Variants in CEACAM19 observed in about 807,000 individuals in gnomAD.
CEACAM19 encodes CEA cell adhesion molecule 19.
A neutral mutation model predicts 37.6 loss-of-function variants in CEACAM19; 37 were observed. The observed-to-expected ratio is 0.98, with a 90% CI of 0.76 to 1.29. The LOEUF is 1.29. CEACAM19 is among the 50% of genes most tolerant of loss of function. The pLI is 0.00. For missense variants in CEACAM19, 340 were observed against 375.6 expected (o/e 0.91, Z 0.78); for synonymous variants, 140 against 149.8 (o/e 0.93, Z 0.48).
At chr19:44,675,502 T>C (rs928276823) in intron 2 of CEACAM19, among the ~76,000 whole-genome samples, 2 of 151,982 alleles carry the variant, frequency 1.3e-5, no homozygotes, top group African/African-American at 4.8e-5. Context: ...CAAAGCAGAT[T>C]GGGTCTGGGC....
In CEACAM19 at chr19:44,672,633, G is replaced by T. The variant is rs1351412506; in HGVS notation, c.93G>T (p.Gln31His). The change falls in exon 2 of 8, where the codon CAG becomes CAT. Residue 31 changes from glutamine (Q) to histidine (H), a missense_variant. Gln to His is a conservative substitution (Grantham distance 24, BLOSUM62 0). Coordinates refer to ENST00000358777, the MANE Select transcript of CEACAM19 (RefSeq NM_001127893.3). ...TCCTCTGGATGCTCCAAGGCTCCCA[G>T]GCAGCTCTCTACATCCAGAAGATTC... Reference protein sequence around the residue: ...ILVLWMLQGSQAALYIQKIPE... With the variant: ...ILVLWMLQGSHAALYIQKIPE... 1 of 1,493,580 alleles carries T rather than the reference G, an allele frequency of 6.7e-7. No individual in the cohort carries two copies. The highest frequency in any genetic ancestry group is 8.9e-7 in the Non-Finnish European group (1 of 1,120,444). The allele number at this position is 1,493,580 out of a possible 1,614,324, so 92.5% of individuals were successfully genotyped here.
intron 5 of CEACAM19, among the ~76,000 whole-genome samples, chr19:44,680,888 T>C (rs1212241713): frequency 6.6e-6 from 1 of 152,000 alleles, no homozygotes; most frequent in African/African-American, 2.4e-5. Flanking sequence ...CTCTCTACTA[T>C]CTCAGATGCC....
upstream of CEACAM19, among the ~76,000 whole-genome samples, chr19:44,668,747 AATATAATATAATAT>A (rs1973808740): frequency 9.5e-6 from 1 of 105,292 alleles, no homozygotes; most frequent in African/African-American, 4.5e-5. Context: ...TATATAATAT[AATATAATATAATAT>A]ATATAATATA....
intron 4 of CEACAM19, among the ~76,000 whole-genome samples, chr19:44,679,876 G>C (rs1293421548): frequency 1.3e-5 from 2 of 152,206 alleles, no homozygotes; most frequent in Non-Finnish European, 2.9e-5. Flanking sequence ...GTTGCAGTGA[G>C]CTGAGATCAC....
At chr19:44,675,097 CGTGTGTGTGT>C (rs59147604) in intron 2 of CEACAM19, among the ~76,000 whole-genome samples, 117 of 143,900 alleles carry the variant, frequency 8.1e-4, no homozygotes, top group Non-Finnish European at 1.3e-3. Context: ...CAGAGAACAG[CGTGTGTGTGT>C]GTGTGTGTGT....
intron 4 of CEACAM19, among the ~76,000 whole-genome samples, chr19:44,679,530 A>C (rs1974015852): frequency 6.6e-6 from 1 of 152,244 alleles, no homozygotes. Context: ...CTGGCGGATC[A>C]CGAGGTCAGG....
At chr19:44,665,940 G>A (rs1973705904) in intron 1 of CEACAM19, 1 of 152,284 alleles carries the variant, frequency 6.6e-6, no homozygotes, top group South Asian at 2.1e-4. Context: ...ACCAATCCCT[G>A]GCCAAAAGAA....
chr19:44,681,376 G>A, intron 6 of CEACAM19, 64 bp downstream of exon 6: 2 of 1,088,228 alleles, frequency 1.8e-6, no homozygotes, highest in South Asian at 1.3e-5. Flanking sequence ...CTCTGAGCTG[G>A]CTGTGGTCCT....
Position 44,671,860 on chromosome 19 carries a change from A to G in CEACAM19, c.-72A>G, listed in dbSNP as rs1166552493. ...CCCACTGAGCTGGCCTACTTCAGACAGCCAGGGCCCACCCCTCTGGCCCCC... is the reference window on the plus strand; with the variant it reads ...CCCACTGAGCTGGCCTACTTCAGACGGCCAGGGCCCACCCCTCTGGCCCCC... On this transcript the variant is annotated 5_prime_UTR_variant, in exon 1 of 8. Transcript: ENST00000358777. 1.4e-6 allele frequency: 2 copies of G among 1,401,306 alleles called. No homozygotes were observed. Among genetic ancestry groups the G allele is most frequent in the African/African-American group, 1.4e-5 (1 of 70,270 alleles). 86.8% of individuals were successfully genotyped at this position (1,401,306 alleles called of 1,614,324 possible). A position where few individuals can be genotyped will look rare whatever the true frequency, so the allele number is the denominator to read the frequency against.
Position 44,684,247 on chromosome 19 carries a change from AC to A in CEACAM19, c.*760del, listed in dbSNP as rs1359897485. The A allele has an allele frequency of 6.6e-6, 1 of 152,224 alleles. No homozygotes were observed. The highest frequency in any genetic ancestry group is 2.4e-5 in the African/African-American group (1 of 41,448). The allele number at this position is 152,224 out of a possible 1,614,324, so 9.4% of individuals were successfully genotyped here. A position where few individuals can be genotyped will look rare whatever the true frequency, so the allele number is the denominator to read the frequency against. ...TAAATGAGCCTTTGCTGTATGCCAG[AC>A]CCAGTTCTAGGCTCTTGCAGCCCTG... On this transcript the variant is annotated 3_prime_UTR_variant, in exon 8 of 8. Coordinates refer to ENST00000358777, the MANE Select transcript of CEACAM19 (RefSeq NM_001127893.3).
intron 3 of CEACAM19, 151 bp from the exon 4 acceptor site, chr19:44,678,702 A>C (rs1973997350): frequency 9.1e-7 from 1 of 1,104,316 alleles, no homozygotes; most frequent in Non-Finnish European, 1.2e-6. Context: ...TGAGCCACTG[A>C]GCCCAATTAC....
At position 44,683,439 on chromosome 19, in the gene CEACAM19, C is replaced by A; in HGVS notation, c.849C>A (p.Asp283Glu). The A allele has an allele frequency of 6.4e-7, 1 of 1,551,040 alleles. No homozygotes were observed. The highest frequency in any genetic ancestry group is 8.8e-7 in the Non-Finnish European group (1 of 1,142,462). ...QAEPENHQYQDLLNPDPAPYC... is the reference protein window; with the variant it reads ...QAEPENHQYQELLNPDPAPYC... ...TGTTCTCTCTTCCCCCCAAGCAGGA[C>A]CTGCTAAACCCCGACCCTGCCCCCT... Residue 283 changes from aspartate (D) to glutamate (E), a missense_variant and splice_region_variant, in exon 8 of 8, where the codon GAC becomes GAA. Physicochemically the swap from Asp to Glu is conservative, Grantham distance 45. Coordinates refer to ENST00000358777, the MANE Select transcript of CEACAM19 (RefSeq NM_001127893.3).
upstream of CEACAM19, among the ~76,000 whole-genome samples, chr19:44,668,159 C>A (rs1599783313): frequency 3.1e-5 from 2 of 64,606 alleles, no homozygotes; most frequent in African/African-American, 6.9e-5. Context: ...TATTTATATG[C>A]TATATTATAT....
At chr19:44,668,548 A>AGT (rs1254401851), upstream of CEACAM19, among the ~76,000 whole-genome samples, 3 of 70,594 alleles carry the variant, frequency 4.2e-5, no homozygotes, top group African/African-American at 2.6e-4. Context: ...GTATATAATT[A>AGT]TATAATTATA....
chr19:44,675,097 CGTGTGTGTGTGT>C (rs59147604), intron 2 of CEACAM19, among the ~76,000 whole-genome samples: 7 of 143,902 alleles, frequency 4.9e-5, no homozygotes, highest in South Asian at 2.3e-4. Context: ...CAGAGAACAG[CGTGTGTGTGTGT>C]GTGTGTGTGT....
In CEACAM19 at chr19:44,681,321, C is replaced by T. The variant is rs761687653; in HGVS notation, c.792+9C>T. 11 of 1,600,548 alleles carry T rather than the reference C, an allele frequency of 6.9e-6. No homozygotes were observed. The highest frequency in any genetic ancestry group is 1.3e-5 in the African/African-American group (1 of 74,624). On this transcript the variant is annotated intron_variant, in intron 6 of 7. Transcript: ENST00000358777. ...CCATAAACCCAGCCCGGGTGAGTCC[C>T]GTCCCCAGCCTCTCCCCTGAAGCCA...
chr19:44,678,924 C>G lies in CEACAM19; in HGVS notation c.647C>G (p.Thr216Arg), dbSNP rs776630929. The change falls in exon 4 of 8, where the codon ACG (threonine) becomes AGG (arginine). Residue 216 changes from threonine (T) to arginine (R), a missense_variant. Physicochemically the swap from Thr to Arg is moderately conservative, Grantham distance 71 (BLOSUM62 -1). Transcript: ENST00000358777. ...GCTGTATCCCCAGTGCCTTCAGTGACGCCCAGCACATGGTTGGTGCTTGTA... is the reference window on the plus strand; with the variant it reads ...GCTGTATCCCCAGTGCCTTCAGTGAGGCCCAGCACATGGTTGGTGCTTGTA... Reference protein sequence around the residue: ...CSAVSPVPSVTPSTWMATTEK... With the variant: ...CSAVSPVPSVRPSTWMATTEK... 1 of 1,613,982 alleles carries G rather than the reference C, an allele frequency of 6.2e-7. No homozygotes were observed.
At chr19:44,676,179 T>A (rs1040511386) in intron 2 of CEACAM19, 92 bp from the exon 3 acceptor site, 5 of 1,307,774 alleles carry the variant, frequency 3.8e-6, no homozygotes, top group African/African-American at 1.5e-5. Context: ...CAGTTCTCCA[T>A]GCAGTCACTG....
At position 44,678,836 on chromosome 19, in the gene CEACAM19, C is replaced by T; in HGVS notation, c.576-17C>T. 6.2e-7 allele frequency: 1 copy of T among 1,611,828 alleles called. No individual in the cohort carries two copies. Among genetic ancestry groups the T allele is most frequent in the Non-Finnish European group, 8.5e-7 (1 of 1,179,070 alleles). On this transcript the variant is annotated splice_polypyrimidine_tract_variant and intron_variant, in intron 3 of 7. Transcript: ENST00000358777. Reference sequence around the variant, plus strand: ...AATGCTTTATTCCAATTTTCTTCCCCTCTCTTTCCACCCTAGACTGCCTGC... The same window carrying T: ...AATGCTTTATTCCAATTTTCTTCCCTTCTCTTTCCACCCTAGACTGCCTGC...
Sources: gnomAD v4.1 joint callset for allele counts (sites outside exome capture counted in the v4.1 genomes callset) on GRCh38, gnomAD v4.1.1 for gene constraint, MANE v1.5 for transcripts, NCBI Gene and HGNC (gene_info 2026-07-23, HGNC 2026-07-21) for gene names.